WDR91: variants seen among roughly 807,000 people sequenced by gnomAD.
WDR91 encodes WD repeat-containing protein 91.
WDR91 carries 52 observed loss-of-function variants against 88.4 expected under a neutral mutation model. The ratio of observed to expected loss-of-function variants is 0.59; its 90% CI spans 0.47 to 0.74. The LOEUF (loss-of-function observed/expected upper bound fraction) is 0.74. WDR91 is among the 30% of genes least tolerant of loss of function. WDR91 has a pLI of 0.00. For missense variants in WDR91, 824 were observed against 954.5 expected, an observed-to-expected ratio of 0.86 and a Z score of 1.80; for synonymous variants, 362 against 389.5, an observed-to-expected ratio of 0.93 and a Z score of 0.83.
At chr7:135,188,601 CTG>C in intron 12 of WDR91, 56 bp from the exon 13 acceptor site, 2 of 1,495,532 alleles carry the variant, frequency 1.3e-6, no homozygotes, top group African/African-American at 1.4e-5. Flanking sequence ...CAGAAGGAAT[CTG>C]CCTGCAGCAG....
At chr7:135,202,756 C>A (rs893380584) in intron 6 of WDR91, among the ~76,000 whole-genome samples, 4 of 152,144 alleles carry the variant, frequency 2.6e-5, no homozygotes. Flanking sequence ...AGTGAGAGAT[C>A]CAGAAAGCAA....
At chr7:135,204,491 G>C in intron 5 of WDR91, 58 bp from the exon 6 acceptor site, 1 of 1,586,318 alleles carries the variant, frequency 6.3e-7, no homozygotes. Flanking sequence ...GAAAAACCAA[G>C]AACATAGACC....
At chr7:135,201,354 TAAAAAAAAAA>T (rs57210639) in intron 6 of WDR91, 1 of 133,082 alleles carries the variant, frequency 7.5e-6, no homozygotes, top group African/African-American at 2.9e-5. Flanking sequence ...TTATTTCCAC[TAAAAAAAAAA>T]AAAAAAAAAA....
chr7:135,192,299 G>T (rs892355483), intron 11 of WDR91, among the ~76,000 whole-genome samples: 15 of 152,084 alleles, frequency 9.9e-5, no homozygotes, highest in African/African-American at 3.4e-4. Flanking sequence ...TAAGTTTTTT[G>T]TAGAGACAAG....
intron 11 of WDR91, among the ~76,000 whole-genome samples, chr7:135,190,386 T>C (rs1326816715): frequency 3.9e-5 from 6 of 152,084 alleles, no homozygotes; most frequent in African/African-American, 1.4e-4. Context: ...GGGAGGAACC[T>C]GGCAAAAATT....
Position 135,210,811 on chromosome 7 carries a change from C to G in WDR91, c.123+569G>C, listed in dbSNP as rs1418504364. On this transcript the variant is annotated intron_variant, in intron 1 of 14. Coordinates refer to ENST00000354475, the MANE Select transcript of WDR91 (RefSeq NM_014149.4). The stretch of plus-strand genomic sequence containing the variant: ...TCAGTACACACAAACATACAAATCA[C>G]ACACATATACATTCCAAGAACCTCG... 3 of 703,594 alleles carry G rather than the reference C, an allele frequency of 4.3e-6. No homozygotes were observed. In the African/African-American group the frequency reaches 5.2e-5, roughly 12 times the overall value. 43.6% of individuals were successfully genotyped at this position (703,594 alleles called of 1,614,324 possible).
chr7:135,209,049 A>C lies in WDR91; in HGVS notation c.304-51T>G, dbSNP rs139222045. Reference sequence around the variant, plus strand: ...GGAGGGAGGAGAGACAGAAATCCAGAGGTAAGACTCTTCATCATTGCACAG... The same window carrying C: ...GGAGGGAGGAGAGACAGAAATCCAGCGGTAAGACTCTTCATCATTGCACAG... On this transcript the variant is annotated intron_variant, in intron 2 of 14. Coordinates refer to ENST00000354475, the MANE Select transcript of WDR91 (RefSeq NM_014149.4). 4.5e-4 allele frequency: 697 copies of C among 1,540,056 alleles called. 2 individuals carry two copies. In the African/African-American group the frequency reaches 7.8e-3, roughly 17 times the overall value.
In WDR91 at chr7:135,205,925, C is replaced by A; in HGVS notation, c.725+3G>T. The A allele has an allele frequency of 6.2e-7, 1 of 1,613,182 alleles. No homozygotes were observed. Among genetic ancestry groups the A allele is most frequent in the Non-Finnish European group, 8.5e-7 (1 of 1,180,024 alleles). On this transcript the variant is annotated splice_donor_region_variant and intron_variant, in intron 5 of 14. Transcript: ENST00000354475. ...AAAGGAAAGGGCCGTCACACACACT[C>A]ACAGTTCCGAGTCCCCCAGGCGGTC...
intron 14 of WDR91, 94 bp downstream of exon 14, chr7:135,186,878 A>G: frequency 1.4e-6 from 2 of 1,442,974 alleles, no homozygotes; most frequent in Non-Finnish European, 9.7e-7. Flanking sequence ...AGCTCGGGGT[A>G]GAGGGCCTCG....
chr7:135,199,827 T>C (rs1274726596), intron 6 of WDR91: 1 of 79,136 alleles, frequency 1.3e-5, no homozygotes. Context: ...TAAAGAGTGC[T>C]CAATCAATTG....
chr7:135,200,736 A>G (rs970067893), intron 6 of WDR91, among the ~76,000 whole-genome samples: 6 of 152,244 alleles, frequency 3.9e-5, no homozygotes, highest in African/African-American at 1.4e-4. Flanking sequence ...GCTACAGTTC[A>G]GGAGAGACAC....
At chr7:135,204,465 G>A (rs1203208596) in intron 5 of WDR91, 32 bp from the exon 6 acceptor site, 1 of 1,608,420 alleles carries the variant, frequency 6.2e-7, no homozygotes, top group Non-Finnish European at 8.5e-7. Context: ...GGGTCAGAGG[G>A]CTGAAACAGG....
At chr7:135,210,739 A>C in intron 1 of WDR91, 1 of 701,636 alleles carries the variant, frequency 1.4e-6, no homozygotes, top group Non-Finnish European at 2.6e-6. Context: ...AGATCTCCTA[A>C]CTCCCCTCCA....
Position 135,196,236 on chromosome 7 carries a change from G to A in WDR91, c.1152C>T (p.Gly384=), listed in dbSNP as rs767212155. The change falls in exon 8 of 15, where the codon GGC becomes GGT. Residue 384 remains glycine (G), a synonymous_variant. Transcript: ENST00000354475. The surrounding 1 kb of genome is among the most constrained non-coding windows in gnomAD (Gnocchi z 4.2). ...VEPLTRASSA[G]PEGGGVRPEQ... is the part of the protein sequence containing the mutation. ...CGGGGCGGACTCCTCCACCCTCAGG[G>A]CCTGCCGAGGATGCCCGAGTCAGTG... The A allele has an allele frequency of 1.2e-6, 2 of 1,612,016 alleles. No individual in the cohort carries two copies. The highest frequency in any genetic ancestry group is 1.7e-6 in the Non-Finnish European group (2 of 1,178,998).
chr7:135,187,368 G>T, intron 13 of WDR91, among the ~76,000 whole-genome samples, 199 bp from the exon 14 acceptor site: 1 of 152,222 alleles, frequency 6.6e-6, no homozygotes, highest in East Asian at 1.9e-4. Flanking sequence ...CCTATCTCTG[G>T]TCAACATGAT....
Position 135,194,800 on chromosome 7 carries a change from T to C in WDR91, c.1395+134A>G, listed in dbSNP as rs541799347. On this transcript the variant is annotated intron_variant, in intron 9 of 14. Coordinates refer to ENST00000354475, the MANE Select transcript of WDR91 (RefSeq NM_014149.4). ...GAGCCTTCTGGGCCAGTCCTGGATG[T>C]GTGTCCCTGAATCCCCAATAATGGA... 40 of 1,235,426 alleles carry C rather than the reference T, an allele frequency of 3.2e-5. No individual in the cohort carries two copies. The African/African-American group carries it at 5.1e-4, about 16-fold the overall frequency. 76.5% of individuals were successfully genotyped at this position (1,235,426 alleles called of 1,614,324 possible).
intron 6 of WDR91, chr7:135,199,339 G>A (rs1035728001): frequency 2.0e-5 from 3 of 152,178 alleles, no homozygotes; most frequent in African/African-American, 7.2e-5. Flanking sequence ...AGAAAGGATG[G>A]TAAACCTGTC....
chr7:135,209,585 G>A lies in WDR91; in HGVS notation c.294C>T (p.Tyr98=). ...CTGAATCAACAGGCACCTGGATTGT[G>A]TAGACAAGATAAAATCGAAACAGGC... ...KTSLFRFYLV[Y]TIQTNRNDKA... is the part of the protein sequence containing the mutation. Residue 98 remains tyrosine (Y), a synonymous_variant, in exon 2 of 15, where the codon TAC becomes TAT. Transcript: ENST00000354475. The A allele has an allele frequency of 6.2e-7, 1 of 1,605,760 alleles. No homozygotes were observed. The highest frequency in any genetic ancestry group is 1.1e-5 in the South Asian group (1 of 89,926).
chr7:135,204,625 A>G (rs1562956034), intron 5 of WDR91, among the ~76,000 whole-genome samples, 192 bp from the exon 6 acceptor site: 1 of 152,144 alleles, frequency 6.6e-6, no homozygotes, highest in South Asian at 2.1e-4. Flanking sequence ...TATCTGTTAC[A>G]AGGGTGAAGT....
Sources: allele counts gnomAD v4.1 joint callset (sites outside exome capture counted in the v4.1 genomes callset), GRCh38; gene constraint gnomAD v4.1.1; non-coding constraint Gnocchi (gnomAD v3.1); transcripts MANE v1.5; gene names NCBI Gene and HGNC (gene_info 2026-07-23, HGNC 2026-07-21).